Variants in PDE4B observed in about 807,000 individuals in gnomAD.
The protein encoded by PDE4B is 3',5'-cyclic-AMP phosphodiesterase 4B.
Under a neutral mutation model 82.2 loss-of-function variants are expected in PDE4B, and 20 were observed. The observed-to-expected ratio is 0.24, with a 90% CI of 0.17 to 0.35. The LOEUF (loss-of-function observed/expected upper bound fraction) is 0.35, where lower values mean the gene tolerates loss of function less well. Ranked by LOEUF, PDE4B falls within the 10% of genes least tolerant of loss-of-function variation. The pLI is 1.00. For synonymous variants in PDE4B, 320 were observed against 318.9 expected (o/e 1.00, Z -0.04); for missense variants, 655 against 907.2 (o/e 0.72, Z 3.57).
chr1:66,144,910 A>G (rs1467950205), intron 3 of PDE4B, among the ~76,000 whole-genome samples: 1 of 152,206 alleles, frequency 6.6e-6, no homozygotes, highest in Non-Finnish European at 1.5e-5. Context: ...TGGCTAGTCT[A>G]CTTTCATACA....
rs554969135 is a variant in PDE4B, at chr1:66,342,119, C to G, written c.747+9499C>G. ...CCATAAAATTTGGATAAATAATAAA[C>G]TATTAATGTAATTATTTAAATGTCG... On this transcript the variant is annotated intron_variant, in intron 8 of 16. Transcript: ENST00000341517. Among the ~76,000 whole-genome samples the G allele has an allele frequency of 9.3e-4, 141 of 151,990 alleles. 4 individuals are homozygous for G. In the South Asian group the frequency reaches 0.028, roughly 31 times the overall value.
At chr1:66,163,854 T>TA (rs1646667008) in intron 3 of PDE4B, among the ~76,000 whole-genome samples, 1 of 148,286 alleles carries the variant, frequency 6.7e-6, no homozygotes, top group Admixed American at 6.8e-5. Flanking sequence ...GTGTGTGACT[T>TA]ACTGCTAAGT....
At chr1:66,323,737 G>A (rs1046081317) in intron 7 of PDE4B, among the ~76,000 whole-genome samples, 7 of 152,086 alleles carry the variant, frequency 4.6e-5, no homozygotes, top group Non-Finnish European at 8.8e-5. Flanking sequence ...GGAAACTGGG[G>A]CACAGAGAAG....
intron 3 of PDE4B, among the ~76,000 whole-genome samples, chr1:66,079,196 C>CTCTCTG (rs1553142405): frequency 7.6e-4 from 104 of 136,978 alleles, no homozygotes; most frequent in South Asian, 3.3e-3. Flanking sequence ...CTCTCTCTCT[C>CTCTCTG]TCTCTGTCTC....
intron 1 of PDE4B, among the ~76,000 whole-genome samples, chr1:65,841,770 C>T (rs1029153498): frequency 6.6e-6 from 1 of 151,972 alleles, no homozygotes; most frequent in Non-Finnish European, 1.5e-5. Flanking sequence ...GTGTAACATA[C>T]AAAAATTTTA....
rs1044917161 is a variant in PDE4B at position 66,217,350 on chromosome 1, G to A, written c.282-30110G>A. Among the ~76,000 whole-genome samples, 5 of 152,096 alleles carry A rather than the reference G, an allele frequency of 3.3e-5. No homozygotes were observed. The East Asian group carries it at 7.7e-4, about 23-fold the overall frequency. On this transcript the variant is annotated intron_variant, in intron 3 of 16. Coordinates refer to ENST00000341517, the MANE Select transcript of PDE4B (RefSeq NM_002600.4). ...AGATGCGCAATGACTAGCAACAGTG[G>A]GAAGTGGTCACTACTGCTAGGCCTG...
intron 3 of PDE4B, among the ~76,000 whole-genome samples, chr1:66,160,617 G>GT (rs927039885): frequency 9.9e-5 from 15 of 151,100 alleles, no homozygotes; most frequent in South Asian, 2.1e-4. Flanking sequence ...CAATCTATTT[G>GT]TTTTTTTTTA....
At chr1:65,841,207 A>C (rs1646202667) in intron 1 of PDE4B, among the ~76,000 whole-genome samples, 1 of 152,114 alleles carries the variant, frequency 6.6e-6, no homozygotes, top group African/African-American at 2.4e-5. Context: ...CTGAGGCATG[A>C]GACTTGCTTT....
intron 3 of PDE4B, among the ~76,000 whole-genome samples, chr1:66,084,099 A>T (rs1656880990): frequency 6.6e-6 from 1 of 152,142 alleles, no homozygotes; most frequent in African/African-American, 2.4e-5. Flanking sequence ...CCTTAATTCA[A>T]TTTAAAAAAT....
chr1:65,943,849 C>G (rs1262062310), intron 3 of PDE4B, among the ~76,000 whole-genome samples: 1 of 151,864 alleles, frequency 6.6e-6, no homozygotes, highest in African/African-American at 2.4e-5. Context: ...TATACTGAAA[C>G]TTTACCGAAT....
At chr1:65,922,668 C>A (rs769566744) in intron 3 of PDE4B, among the ~76,000 whole-genome samples, 1 of 152,058 alleles carries the variant, frequency 6.6e-6, no homozygotes, top group East Asian at 1.9e-4. Flanking sequence ...ATCCTACTCA[C>A]GTGAGAAAGT....
intron 3 of PDE4B, among the ~76,000 whole-genome samples, chr1:66,189,355 A>G (rs1271965872): frequency 1.3e-5 from 2 of 152,010 alleles, no homozygotes; most frequent in African/African-American, 4.8e-5. Flanking sequence ...CATTCTCTGT[A>G]TTTCCTGAAG....
intron 1 of PDE4B, among the ~76,000 whole-genome samples, chr1:65,900,279 C>T (rs1403912905): frequency 6.6e-6 from 1 of 151,746 alleles, no homozygotes; most frequent in African/African-American, 2.4e-5. Flanking sequence ...AGATGTGTGG[C>T]TTTATTTCTG....
intron 3 of PDE4B, among the ~76,000 whole-genome samples, chr1:66,110,119 C>G (rs1021956260): frequency 2.6e-5 from 4 of 151,956 alleles, no homozygotes; most frequent in Non-Finnish European, 5.9e-5. Flanking sequence ...AAGCTTGAAG[C>G]TTTCATAAAT....
At chr1:66,175,419 A>G (rs796319266) in intron 3 of PDE4B, among the ~76,000 whole-genome samples, 5 of 152,336 alleles carry the variant, frequency 3.3e-5, no homozygotes, top group African/African-American at 9.6e-5. Flanking sequence ...AGCCAGTATG[A>G]GAAAAATTGT....
At chr1:66,275,981 T>C (rs1655854151) in intron 7 of PDE4B, among the ~76,000 whole-genome samples, 1 of 152,170 alleles carries the variant, frequency 6.6e-6, no homozygotes, top group South Asian at 2.1e-4. Flanking sequence ...ATGGCGATTA[T>C]CCAGCTTATT....
At chr1:66,268,704 A>G (rs1448356259) in intron 7 of PDE4B, among the ~76,000 whole-genome samples, 1 of 151,690 alleles carries the variant, frequency 6.6e-6, no homozygotes, top group Non-Finnish European at 1.5e-5. Flanking sequence ...AAGAAAAAGA[A>G]AATAAAGAAA....
chr1:65,933,309 A>C (rs2100523922), intron 3 of PDE4B, among the ~76,000 whole-genome samples: 1 of 152,192 alleles, frequency 6.6e-6, no homozygotes, highest in South Asian at 2.1e-4. Flanking sequence ...ATATATTCAA[A>C]GTGCTGAAAT....
intron 1 of PDE4B, among the ~76,000 whole-genome samples, chr1:65,801,619 T>A (rs1235988559): frequency 6.6e-6 from 1 of 152,192 alleles, no homozygotes; most frequent in Admixed American, 6.5e-5. Flanking sequence ...AGTCTCTGTT[T>A]TGCATTGCTT....
Sources: allele counts gnomAD v4.1 joint callset (sites outside exome capture counted in the v4.1 genomes callset), GRCh38; gene constraint gnomAD v4.1.1; transcripts MANE v1.5; gene names NCBI Gene and HGNC (gene_info 2026-07-23, HGNC 2026-07-21).